The following NLGN1 variants were observed in gnomAD, a reference collection of about 807,000 sequenced individuals.
The protein encoded by NLGN1 is neuroligin-1.
NLGN1 carries 12 observed loss-of-function variants against 65.5 expected under a neutral mutation model. The ratio of observed to expected loss-of-function variants is 0.18; its 90% CI spans 0.12 to 0.30. The LOEUF (loss-of-function observed/expected upper bound fraction) is 0.30, where lower values mean the gene tolerates loss of function less well. Among genes scored for constraint, NLGN1 ranks in the 10% least tolerant of loss-of-function variants. The pLI is 1.00. For synonymous variants in NLGN1, 350 were observed against 359.5 expected (o/e 0.97, Z 0.30); for missense variants, 750 against 1,007.1 (o/e 0.74, Z 3.46).
chr3:174,118,831 G>T (rs1413566493), intron 4 of NLGN1, among the ~76,000 whole-genome samples: 1 of 152,082 alleles, frequency 6.6e-6, no homozygotes, highest in East Asian at 1.9e-4. Context: ...CATACTAAAG[G>T]TCATAGTATG....
chr3:173,593,243 T>C (rs1268786356), intron 2 of NLGN1, among the ~76,000 whole-genome samples: 1 of 152,210 alleles, frequency 6.6e-6, no homozygotes, highest in Non-Finnish European at 1.5e-5. Context: ...TATTTTTGAT[T>C]CAAGGGTACA....
chr3:174,048,515 G>A (rs1281446296), intron 4 of NLGN1, among the ~76,000 whole-genome samples: 6 of 151,870 alleles, frequency 4.0e-5, no homozygotes, highest in Middle Eastern at 3.4e-3. Flanking sequence ...AAACAAGGCC[G>A]CAGATAATTA....
intron 2 of NLGN1, among the ~76,000 whole-genome samples, chr3:173,598,692 C>T (rs61150898): frequency 0.019 from 2,828 of 152,146 alleles, 95 homozygotes; most frequent in African/African-American, 0.065. Context: ...CTAGACTGTG[C>T]GTTCCTCAAA....
At chr3:173,541,991 A>T (rs1345261361) in intron 2 of NLGN1, among the ~76,000 whole-genome samples, 1 of 152,036 alleles carries the variant, frequency 6.6e-6, no homozygotes, top group Non-Finnish European at 1.5e-5. Context: ...TATTTATTTG[A>T]TAATTTTCTA....
chr3:174,009,716 A>G (rs1725148833), intron 4 of NLGN1, among the ~76,000 whole-genome samples: 1 of 152,210 alleles, frequency 6.6e-6, no homozygotes, highest in Admixed American at 6.5e-5. Context: ...ATGTAGAAAC[A>G]AAGTAATATA....
intron 1 of NLGN1, among the ~76,000 whole-genome samples, chr3:173,402,962 A>G (rs964943933): frequency 1.3e-5 from 2 of 152,150 alleles, no homozygotes; most frequent in Admixed American, 6.6e-5. Context: ...AACTGGGAAG[A>G]AGGAGGCAAT....
At chr3:174,204,748 A>T (rs1735093440) in intron 4 of NLGN1, among the ~76,000 whole-genome samples, 2 of 152,244 alleles carry the variant, frequency 1.3e-5, no homozygotes, top group South Asian at 4.1e-4. Context: ...ATACTCTTTC[A>T]TCTCTAAAAC....
At chr3:173,460,853 G>A (rs1723257664) in intron 2 of NLGN1, among the ~76,000 whole-genome samples, 2 of 152,110 alleles carry the variant, frequency 1.3e-5, no homozygotes, top group South Asian at 4.1e-4. Context: ...AACCTCAGTT[G>A]ACTTTGATGT....
At chr3:173,739,747 G>A (rs1395797307) in intron 3 of NLGN1, among the ~76,000 whole-genome samples, 4 of 152,066 alleles carry the variant, frequency 2.6e-5, no homozygotes, top group African/African-American at 4.8e-5. Context: ...TAAGGCTGAC[G>A]TTCTTCCTAG....
At chr3:173,817,914 A>G (rs1306288054) in intron 4 of NLGN1, among the ~76,000 whole-genome samples, 4 of 152,180 alleles carry the variant, frequency 2.6e-5, no homozygotes, top group African/African-American at 9.7e-5. Context: ...AAGATCAGTG[A>G]TTTGGAATAA....
At chr3:173,916,179 A>G (rs1740691271) in intron 4 of NLGN1, among the ~76,000 whole-genome samples, 1 of 152,180 alleles carries the variant, frequency 6.6e-6, no homozygotes, top group Non-Finnish European at 1.5e-5. Context: ...GCACATAGTA[A>G]AAGTTAGTAT....
At chr3:174,076,375 G>T (rs567112538) in intron 4 of NLGN1, among the ~76,000 whole-genome samples, 1 of 152,132 alleles carries the variant, frequency 6.6e-6, no homozygotes, top group South Asian at 2.1e-4. Flanking sequence ...AGAGCATAGG[G>T]AAATAAGGCC....
chr3:174,171,806 TC>T (rs1390910181), intron 4 of NLGN1, among the ~76,000 whole-genome samples: 1 of 152,138 alleles, frequency 6.6e-6, no homozygotes, highest in African/African-American at 2.4e-5. Context: ...ATTTCCCACC[TC>T]TCACCCCAAG....
intron 3 of NLGN1, among the ~76,000 whole-genome samples, chr3:173,667,821 C>T (rs914237595): frequency 3.9e-5 from 6 of 151,974 alleles, no homozygotes; most frequent in African/African-American, 7.3e-5. Context: ...TTAGTAGAGT[C>T]GGGGTTTCAC....
chr3:173,420,773 A>G (rs1161417532), intron 1 of NLGN1, among the ~76,000 whole-genome samples: 1 of 152,180 alleles, frequency 6.6e-6, no homozygotes, highest in East Asian at 1.9e-4. Flanking sequence ...AAGCCAAAAG[A>G]TTGTACCCTA....
chr3:173,602,023 A>C (rs561319232), intron 2 of NLGN1, among the ~76,000 whole-genome samples: 12 of 152,168 alleles, frequency 7.9e-5, no homozygotes, highest in Admixed American at 2.0e-4. Context: ...GGTGATCATA[A>C]GGATGGCCTT....
At chr3:174,249,440 C>G (rs1006101005) in intron 4 of NLGN1, among the ~76,000 whole-genome samples, 13 of 152,222 alleles carry the variant, frequency 8.5e-5, no homozygotes, top group African/African-American at 3.1e-4. Flanking sequence ...ACAGGAGATG[C>G]AAAGAATGGA....
chr3:173,852,458 A>G (rs1727166752), intron 4 of NLGN1, among the ~76,000 whole-genome samples: 1 of 151,570 alleles, frequency 6.6e-6, no homozygotes, highest in Admixed American at 6.6e-5. Flanking sequence ...AATATTCTGA[A>G]TCTAAGGCTT....
intron 4 of NLGN1, among the ~76,000 whole-genome samples, chr3:174,058,673 C>A (rs1560942255): frequency 6.6e-6 from 1 of 151,930 alleles, no homozygotes; most frequent in East Asian, 1.9e-4. Flanking sequence ...ATTAATAAGT[C>A]TCTTATTATT....
Sources: allele counts gnomAD v4.1 joint callset (sites outside exome capture counted in the v4.1 genomes callset), GRCh38; gene constraint gnomAD v4.1.1; transcripts MANE v1.5; gene names NCBI Gene and HGNC (gene_info 2026-07-23, HGNC 2026-07-21).